NTRK2: variants seen among roughly 807,000 people sequenced by gnomAD.
The protein encoded by NTRK2 is BDNF/NT-3 growth factors receptor.
In NTRK2, 13 loss-of-function variants were observed where a neutral mutation model predicts 94.5. The ratio of observed to expected loss-of-function variants is 0.14; its 90% confidence interval spans 0.09 to 0.22. The LOEUF (loss-of-function observed/expected upper bound fraction) is 0.22, where lower values mean the gene tolerates loss of function less well. Among genes scored for constraint, NTRK2 ranks in the 10% least tolerant of loss-of-function variants. The pLI is 1.00. For missense variants in NTRK2, 639 were observed against 1,071.2 expected (o/e 0.60, Z 5.63); for synonymous variants, 372 against 407.4 (o/e 0.91, Z 1.05).
intron 14 of NTRK2, among the ~76,000 whole-genome samples, chr9:84,919,042 A>G (rs1365354123): frequency 1.3e-5 from 2 of 152,096 alleles, no homozygotes; most frequent in African/African-American, 4.8e-5. Context: ...CTGGTCCCCT[A>G]TCTACACATA....
Position 84,955,228 on chromosome 9 carries a change from C to G in NTRK2, c.1938-55C>G. On this transcript the variant is annotated intron_variant, in intron 16 of 18. Coordinates refer to ENST00000277120, the MANE Select transcript of NTRK2 (RefSeq NM_006180.6). ...GACGGGGAGGGGCAGGGGCAAAGGG[C>G]CCCTGGAGTGAAAATGCTGAGGCCC... 6 of 1,443,474 alleles carry G rather than the reference C, an allele frequency of 4.2e-6. No individual in the cohort carries two copies. In the South Asian group the frequency reaches 6.1e-5, roughly 15 times the overall value. 89.4% of individuals were successfully genotyped at this position (1,443,474 alleles called of 1,614,324 possible). A position where few individuals can be genotyped will look rare whatever the true frequency, so the allele number is the denominator to read the frequency against.
At chr9:84,831,423 GGAGA>G (rs150409283) in intron 12 of NTRK2, among the ~76,000 whole-genome samples, 3 of 151,836 alleles carry the variant, frequency 2.0e-5, no homozygotes, top group Non-Finnish European at 2.9e-5. Context: ...TCAGGGAAAG[GGAGA>G]GAGAGAGAGG....
At chr9:84,694,487 C>G (rs1298445391) in intron 2 of NTRK2, among the ~76,000 whole-genome samples, 1 of 152,210 alleles carries the variant, frequency 6.6e-6, no homozygotes, top group Non-Finnish European at 1.5e-5. Context: ...CACGTCCTCA[C>G]AGTTGGGGTG....
intron 12 of NTRK2, among the ~76,000 whole-genome samples, chr9:84,782,869 C>A (rs535047382): frequency 2.6e-5 from 4 of 152,242 alleles, no homozygotes; most frequent in African/African-American, 7.2e-5. Flanking sequence ...AAACCAGTAC[C>A]TTTCATCAAG....
chr9:84,795,250 G>A (rs1001881248), intron 12 of NTRK2, among the ~76,000 whole-genome samples: 3 of 152,188 alleles, frequency 2.0e-5, no homozygotes, highest in Admixed American at 6.5e-5. Context: ...GGTCTTTGCT[G>A]TTGGCCTCTG....
chr9:84,928,055 G>A (rs965835359), intron 14 of NTRK2, among the ~76,000 whole-genome samples: 6 of 152,112 alleles, frequency 3.9e-5, no homozygotes, highest in African/African-American at 1.2e-4. Flanking sequence ...GTCTTGTTAC[G>A]TGCTCTATTT....
At chr9:84,822,300 T>G (rs896193619) in intron 12 of NTRK2, among the ~76,000 whole-genome samples, 1 of 152,186 alleles carries the variant, frequency 6.6e-6, no homozygotes, top group Non-Finnish European at 1.5e-5. Flanking sequence ...ACTTTCTTAC[T>G]TCTATACTCA....
At chr9:84,879,947 G>T (rs143860317) in intron 14 of NTRK2, among the ~76,000 whole-genome samples, 2 of 152,266 alleles carry the variant, frequency 1.3e-5, no homozygotes, top group African/African-American at 4.8e-5. Flanking sequence ...TAGGCTCACT[G>T]GCCTGTGATG....
intron 14 of NTRK2, among the ~76,000 whole-genome samples, chr9:84,913,927 A>C (rs1170695213): frequency 1.3e-5 from 2 of 151,738 alleles, no homozygotes; most frequent in Non-Finnish European, 2.9e-5. Context: ...TGATGACATA[A>C]ATATTAAGAG....
At position 84,669,888 on chromosome 9, in the gene NTRK2, G is replaced by T. The variant is rs1473414078; in HGVS notation, c.-373G>T. 1 of 152,290 alleles carries T rather than the reference G, an allele frequency of 6.6e-6. No individual in the cohort carries two copies. Among genetic ancestry groups the T allele is most frequent in the Non-Finnish European group, 1.5e-5 (1 of 68,066 alleles). The allele number at this position is 152,290 out of a possible 1,614,324, so 9.4% of individuals were successfully genotyped here. ...GGCGGGCGTGAGGCGCCGGAGCCCG[G>T]GTGAGCAGCGCAGATAGTGCCCTCG... is the stretch of plus-strand genomic sequence containing the variant. On this transcript the variant is annotated splice_region_variant and 5_prime_UTR_variant, in exon 1 of 19. Coordinates refer to ENST00000277120, the MANE Select transcript of NTRK2 (RefSeq NM_006180.6). This position sits in a 1 kb window ranked among gnomAD's most constrained non-coding sequence, Gnocchi z 4.1.
intron 17 of NTRK2, among the ~76,000 whole-genome samples, chr9:84,961,280 A>C (rs936166325): frequency 6.6e-6 from 1 of 152,232 alleles, no homozygotes; most frequent in Non-Finnish European, 1.5e-5. Flanking sequence ...TCATCACTAT[A>C]TAATACTTAG....
chr9:84,892,345 G>C (rs1443490139), intron 14 of NTRK2, among the ~76,000 whole-genome samples: 1 of 152,196 alleles, frequency 6.6e-6, no homozygotes, highest in Non-Finnish European at 1.5e-5. Context: ...CTGTGTGAGA[G>C]ATTCCATGTG....
chr9:84,742,737 A>AG (rs1407446028), intron 10 of NTRK2, among the ~76,000 whole-genome samples: 9 of 151,418 alleles, frequency 5.9e-5, no homozygotes, highest in Non-Finnish European at 1.5e-5. Flanking sequence ...GAAAAAAAAA[A>AG]TGGGATTCTC....
At chr9:84,997,683 A>G (rs907100472) in intron 17 of NTRK2, among the ~76,000 whole-genome samples, 1 of 152,190 alleles carries the variant, frequency 6.6e-6, no homozygotes, top group Non-Finnish European at 1.5e-5. Context: ...TCAGCCTGCC[A>G]TGGAGGCTGA....
intron 12 of NTRK2, chr9:84,815,080 T>C: frequency 9.4e-7 from 1 of 1,058,414 alleles, no homozygotes; most frequent in Non-Finnish European, 1.1e-6. Context: ...GAAAGTTCCA[T>C]GACAATGACT....
chr9:84,741,504 T>C (rs1339475813), intron 9 of NTRK2, among the ~76,000 whole-genome samples: 2 of 152,130 alleles, frequency 1.3e-5, no homozygotes, highest in East Asian at 3.8e-4. Context: ...CATCAGAGAA[T>C]AACAAAAGTG....
At chr9:84,889,384 C>T (rs1283732894) in intron 14 of NTRK2, among the ~76,000 whole-genome samples, 1 of 152,138 alleles carries the variant, frequency 6.6e-6, no homozygotes, top group Non-Finnish European at 1.5e-5. Flanking sequence ...TTAAGTAAGA[C>T]TCAAAAATAC....
chr9:84,744,956 C>G lies in NTRK2; in HGVS notation c.1196-17C>G. On this transcript the variant is annotated splice_polypyrimidine_tract_variant and intron_variant, in intron 10 of 18. Transcript: ENST00000277120. Reference sequence around the variant, plus strand: ...ACAACTTCATGTTCTTCCTCATTCCCCCTTTGCCCACTTAAGATTATGGAA... The same window carrying G: ...ACAACTTCATGTTCTTCCTCATTCCGCCTTTGCCCACTTAAGATTATGGAA... The G allele has an allele frequency of 1.3e-6, 2 of 1,576,836 alleles. No homozygotes were observed. The highest frequency in any genetic ancestry group is 1.7e-6 in the Non-Finnish European group (2 of 1,146,208).
intron 17 of NTRK2, among the ~76,000 whole-genome samples, chr9:84,982,033 T>C (rs1827688288): frequency 6.6e-6 from 1 of 152,228 alleles, no homozygotes; most frequent in African/African-American, 2.4e-5. Context: ...TTAATGAAAA[T>C]GTAAACTATT....
Sources: gnomAD v4.1 joint callset for allele counts (sites outside exome capture counted in the v4.1 genomes callset) on GRCh38, gnomAD v4.1.1 for gene constraint, Gnocchi (gnomAD v3.1) non-coding constraint, MANE v1.5 for transcripts, NCBI Gene and HGNC (gene_info 2026-07-23, HGNC 2026-07-21) for gene names.